Variants in STAM2 observed in about 807,000 individuals in gnomAD.
The protein encoded by STAM2 is signal transducing adapter molecule 2.
STAM2 carries 51 observed loss-of-function variants against 65.6 expected under a neutral mutation model. The observed-to-expected ratio is 0.78, with a 90% CI of 0.62 to 0.98. STAM2 has a LOEUF of 0.98. Among genes scored for constraint, STAM2 ranks in the 50% least tolerant of loss-of-function variants. STAM2 has a pLI of 0.00. For missense variants in STAM2, 584 were observed against 617.8 expected, an observed-to-expected ratio of 0.95 and a Z score of 0.58; for synonymous variants, 198 against 208.4, an observed-to-expected ratio of 0.95 and a Z score of 0.43.
At chr2:152,133,583 T>C (rs1005742615) in intron 8 of STAM2, 99 bp from the exon 9 acceptor site, 14 of 817,166 alleles carry the variant, frequency 1.7e-5, no homozygotes, top group Non-Finnish European at 2.8e-5. Flanking sequence ...GAAAAAAAAA[T>C]AAAAGTCCTT....
At chr2:152,165,965 G>A (rs1457546136) in intron 1 of STAM2, among the ~76,000 whole-genome samples, 1 of 152,156 alleles carries the variant, frequency 6.6e-6, no homozygotes, top group East Asian at 1.9e-4. Flanking sequence ...CACTGCGGGA[G>A]GTCAAGGCGG....
chr2:152,160,156 C>G (rs1199068848), intron 1 of STAM2, among the ~76,000 whole-genome samples: 3 of 152,166 alleles, frequency 2.0e-5, no homozygotes. Context: ...GCCACCCCGT[C>G]GGGGAAGTGA....
chr2:152,154,490 C>T (rs974685406), intron 1 of STAM2, among the ~76,000 whole-genome samples: 18 of 152,224 alleles, frequency 1.2e-4, no homozygotes, highest in Admixed American at 5.9e-4. Context: ...TGGTGGCACG[C>T]GCCTGTAGTC....
intron 13 of STAM2, among the ~76,000 whole-genome samples, chr2:152,122,430 T>G (rs180774093): frequency 4.4e-4 from 67 of 152,120 alleles, no homozygotes; most frequent in Non-Finnish European, 8.1e-4. Flanking sequence ...TAAAAAAAGT[T>G]TCAATAAAAA....
intron 7 of STAM2, among the ~76,000 whole-genome samples, chr2:152,139,055 C>A (rs1328772104): frequency 6.6e-6 from 1 of 152,114 alleles, no homozygotes; most frequent in African/African-American, 2.4e-5. Context: ...TAATCCAGCT[C>A]TATATTCTCT....
chr2:152,147,673 T>C (rs1579323374), intron 4 of STAM2, among the ~76,000 whole-genome samples: 1 of 152,140 alleles, frequency 6.6e-6, no homozygotes, highest in Non-Finnish European at 1.5e-5. Flanking sequence ...CTTCTAAGTC[T>C]CAGTTTTTGC....
chr2:152,143,854 C>G lies in STAM2; in HGVS notation c.677G>C (p.Gly226Ala). The change falls in exon 7 of 14, where the codon GGT becomes GCT. Residue 226 changes from glycine to alanine, a missense_variant. Coordinates refer to ENST00000263904, the MANE Select transcript of STAM2 (RefSeq NM_005843.6). ...VEDNELTFKH[G>A]EIIIVLDDSD... Reference sequence around the variant, plus strand: ...GTCATCCAAAACAATAATTATTTCACCATGTTTAAAGGTGAGTTCATTGTC... The same window carrying G: ...GTCATCCAAAACAATAATTATTTCAGCATGTTTAAAGGTGAGTTCATTGTC... 6.2e-7 allele frequency: 1 copy of G among 1,609,668 alleles called. No individual in the cohort carries two copies.
In STAM2 at chr2:152,132,251, A is replaced by G. The variant is rs1689078554; in HGVS notation, c.971-83T>C. 5.3e-6 allele frequency: 5 copies of G among 942,286 alleles called. No homozygotes were observed. The East Asian group carries it at 7.4e-5, about 14-fold the overall frequency. 58.4% of individuals were successfully genotyped at this position (942,286 alleles called of 1,614,324 possible). On this transcript the variant is annotated intron_variant, in intron 10 of 13. Coordinates refer to ENST00000263904, the MANE Select transcript of STAM2 (RefSeq NM_005843.6). The stretch of plus-strand genomic sequence containing the variant: ...AACAATTTTTAACAATATAGCACCA[A>G]TATACAACACTATGCATAATACACA...
rs1247485869 is a variant in STAM2, at chr2:152,133,184, A to G, written c.959T>C (p.Leu320Ser). 14 of 1,543,308 alleles carry G rather than the reference A, an allele frequency of 9.1e-6. No homozygotes were observed. Among genetic ancestry groups the G allele is most frequent in the Non-Finnish European group, 1.0e-5 (12 of 1,146,398 alleles). ...TDSKPDSQDL[L>S]DLEDICQQMG... ...TATTCACTAAGTACCTTCTAAATCC[A>G]AAAGGTCTTGGGAGTCTGGTTTTGA... The change falls in exon 10 of 14, where the codon TTG (leucine) becomes TCG (serine). Residue 320 changes from leucine to serine, a missense_variant. Transcript: ENST00000263904.
intron 1 of STAM2, among the ~76,000 whole-genome samples, chr2:152,173,012 T>C (rs1216684008): frequency 2.6e-5 from 4 of 152,136 alleles, no homozygotes; most frequent in Non-Finnish European, 2.9e-5. Flanking sequence ...AAGCTTCTTG[T>C]ATATTTGTAG....
At position 152,117,911 on chromosome 2, in the gene STAM2, AAATAT is replaced by A. The variant is rs1688777838; in HGVS notation, c.*2658_*2662del. On this transcript the variant is annotated 3_prime_UTR_variant, in exon 14 of 14. Coordinates refer to ENST00000263904, the MANE Select transcript of STAM2 (RefSeq NM_005843.6). ...ACTACAAATAATTTCAAATCCTAACAAATATAATTACCTAATGTTTAAGTAATTTT... is the reference window on the plus strand; with the variant it reads ...ACTACAAATAATTTCAAATCCTAACAAATTACCTAATGTTTAAGTAATTTT... 2 of 152,282 alleles carry A rather than the reference AAATAT, an allele frequency of 1.3e-5. No homozygotes were observed. The highest frequency in any genetic ancestry group is 2.1e-4 in the South Asian group (1 of 4,830). The allele number at this position is 152,282 out of a possible 1,614,324, so 9.4% of individuals were successfully genotyped here.
chr2:152,165,195 G>A (rs905330047), intron 1 of STAM2, among the ~76,000 whole-genome samples: 3 of 152,100 alleles, frequency 2.0e-5, no homozygotes, highest in African/African-American at 7.2e-5. Context: ...GGAGGCCGAG[G>A]CGGGCAGATC....
At position 152,175,738 on chromosome 2, in the gene STAM2, CCG is replaced by C; in HGVS notation, c.-98_-97del. 1 of 1,351,072 alleles carries C rather than the reference CCG, an allele frequency of 7.4e-7. No individual in the cohort carries two copies. 83.7% of individuals were successfully genotyped at this position (1,351,072 alleles called of 1,614,324 possible). On this transcript the variant is annotated 5_prime_UTR_variant, in exon 1 of 14. Transcript: ENST00000263904. ...CGCGGCCGCGGCTCCCTAGACCGCT[CCG>C]CTTCGGCCTCCGTCCCTGCACTTCC...
At chr2:152,171,132 AT>A (rs1689891184) in intron 1 of STAM2, among the ~76,000 whole-genome samples, 1 of 152,354 alleles carries the variant, frequency 6.6e-6, no homozygotes, top group African/African-American at 2.4e-5. Context: ...ATTTCTATCT[AT>A]TTATAGAGTG....
chr2:152,152,279 G>A (rs141164708), intron 1 of STAM2, among the ~76,000 whole-genome samples: 146 of 151,994 alleles, frequency 9.6e-4, no homozygotes, highest in African/African-American at 3.4e-3. Context: ...GGCCAGGAGC[G>A]GTGGCTCACA....
chr2:152,162,281 A>G (rs927072756), intron 1 of STAM2, among the ~76,000 whole-genome samples: 21 of 151,956 alleles, frequency 1.4e-4, no homozygotes, highest in African/African-American at 4.6e-4. Flanking sequence ...AAGGATCCCC[A>G]TAAGTGGGGA....
intron 1 of STAM2, among the ~76,000 whole-genome samples, chr2:152,151,630 C>T (rs1689448585): frequency 6.6e-6 from 1 of 152,184 alleles, no homozygotes; most frequent in South Asian, 2.1e-4. Context: ...TTAATCACTT[C>T]CAAAAGAAAT....
Position 152,120,395 on chromosome 2 carries a change from GAAAAAA to G in STAM2, c.*173_*178del. ...AGATTGACTTCAAACAAACTGGACT[GAAAAAA>G]AAAAAAAAAAAAAACCTTTTATGGC... On this transcript the variant is annotated 3_prime_UTR_variant, in exon 14 of 14. Coordinates refer to ENST00000263904, the MANE Select transcript of STAM2 (RefSeq NM_005843.6). 25 of 304,090 alleles carry G rather than the reference GAAAAAA, an allele frequency of 8.2e-5. No individual in the cohort carries two copies. The highest frequency in any genetic ancestry group is 2.5e-4 in the East Asian group (5 of 20,014). 18.8% of individuals were successfully genotyped at this position (304,090 alleles called of 1,614,324 possible). A position where few individuals can be genotyped will look rare whatever the true frequency, so the allele number is the denominator to read the frequency against.
At chr2:152,159,735 A>G (rs554746795) in intron 1 of STAM2, among the ~76,000 whole-genome samples, 304 of 152,034 alleles carry the variant, frequency 2.0e-3, no homozygotes, top group African/African-American at 7.1e-3. Context: ...CTCTCCCCAC[A>G]GTCTCCCTCT....
Sources: allele counts gnomAD v4.1 joint callset (sites outside exome capture counted in the v4.1 genomes callset), GRCh38; gene constraint gnomAD v4.1.1; transcripts MANE v1.5; gene names NCBI Gene and HGNC (gene_info 2026-07-23, HGNC 2026-07-21).